CDK17: variants seen among roughly 807,000 people sequenced by gnomAD.
The protein encoded by CDK17 is cyclin-dependent kinase 17.
A neutral mutation model predicts 77.6 loss-of-function variants in CDK17; 24 were observed. The observed-to-expected ratio is 0.31, with a 90% CI of 0.22 to 0.44. CDK17 has a LOEUF of 0.44. Among genes scored for constraint, CDK17 ranks in the 20% least tolerant of loss-of-function variants. The pLI is 1.00. For synonymous variants in CDK17, 203 were observed against 210.4 expected, an observed-to-expected ratio of 0.96 and a Z score of 0.30; for missense variants, 429 against 622.5, an observed-to-expected ratio of 0.69 and a Z score of 3.31.
At chr12:96,315,989 C>G (rs1952709335) in intron 3 of CDK17, among the ~76,000 whole-genome samples, 1 of 152,180 alleles carries the variant, frequency 6.6e-6, no homozygotes, top group African/African-American at 2.4e-5. Context: ...CGGTCTACAG[C>G]TCCCAGCGTG....
chr12:96,339,274 A>G (rs1042599427), intron 1 of CDK17, among the ~76,000 whole-genome samples: 3 of 152,190 alleles, frequency 2.0e-5, no homozygotes, highest in South Asian at 4.1e-4. Context: ...TGTAGCCAAC[A>G]GCAGGCTAAT....
intron 1 of CDK17, among the ~76,000 whole-genome samples, chr12:96,388,979 G>A (rs867175698): frequency 6.6e-6 from 1 of 152,006 alleles, no homozygotes; most frequent in African/African-American, 2.4e-5. Context: ...CCATTCATGA[G>A]GGATCTGCCC....
chr12:96,313,317 T>C lies in CDK17; in HGVS notation c.417+4A>G. 1 of 1,572,804 alleles carries C rather than the reference T, an allele frequency of 6.4e-7. No homozygotes were observed. ...AAGTATATTTGTATTTTTTAAATGA[T>C]TACCTCCATTGAGATCCGTCTATGT... On this transcript the variant is annotated splice_donor_region_variant and intron_variant, in intron 4 of 16. Coordinates refer to ENST00000261211, the MANE Select transcript of CDK17 (RefSeq NM_002595.5).
At chr12:96,317,229 G>C (rs1037078745) in intron 3 of CDK17, among the ~76,000 whole-genome samples, 8 of 150,342 alleles carry the variant, frequency 5.3e-5, no homozygotes, top group Non-Finnish European at 1.2e-4. Context: ...GAAATGAAGT[G>C]AGAAGGGAAG....
intron 1 of CDK17, among the ~76,000 whole-genome samples, chr12:96,394,502 A>AC (rs373181415): frequency 4.6e-5 from 7 of 152,260 alleles, no homozygotes; most frequent in African/African-American, 1.4e-4. Flanking sequence ...GCATAAAAAG[A>AC]AACAAAAATG....
At chr12:96,373,780 C>T (rs1317808130) in intron 1 of CDK17, among the ~76,000 whole-genome samples, 8 of 151,844 alleles carry the variant, frequency 5.3e-5, no homozygotes, top group Non-Finnish European at 1.0e-4. Flanking sequence ...ATTAGCTGGG[C>T]GTGGTGGTGT....
At chr12:96,344,662 T>C (rs1010919064) in intron 1 of CDK17, among the ~76,000 whole-genome samples, 2 of 152,144 alleles carry the variant, frequency 1.3e-5, no homozygotes, top group Non-Finnish European at 2.9e-5. Context: ...ATGTTACCAG[T>C]AGACCTACTC....
At chr12:96,328,538 G>A (rs567099775) in intron 2 of CDK17, among the ~76,000 whole-genome samples, 6 of 152,212 alleles carry the variant, frequency 3.9e-5, no homozygotes, top group African/African-American at 1.4e-4. Flanking sequence ...TACAATGGTG[G>A]GGGTTGGGGG....
chr12:96,280,212 G>A lies in CDK17; in HGVS notation c.*30C>T, dbSNP rs1375993464. On this transcript the variant is annotated 3_prime_UTR_variant, in exon 17 of 17. Coordinates refer to ENST00000261211, the MANE Select transcript of CDK17 (RefSeq NM_002595.5). The stretch of plus-strand genomic sequence containing the variant: ...AGTCCTTGATTGGTAAGAAAGGCTG[G>A]GGGCTGGGCTTGAAACCATGTTATC... 1 of 1,547,418 alleles carries A rather than the reference G, an allele frequency of 6.5e-7. No individual in the cohort carries two copies. Among genetic ancestry groups the A allele is most frequent in the Non-Finnish European group, 8.7e-7 (1 of 1,145,042 alleles).
Position 96,313,447 on chromosome 12 carries a change from A to G in CDK17, c.291T>C (p.Val97=). 1 of 1,542,708 alleles carries G rather than the reference A, an allele frequency of 6.5e-7. No individual in the cohort carries two copies. Among genetic ancestry groups the G allele is most frequent in the Admixed American group, 2.1e-5 (1 of 48,630 alleles). ...CTGATCCCATTTTTAGATTTTCATG[A>G]ACAATATCTATATCAAAAAATGAGA... The part of the protein sequence containing the change: ...MPRNGSRLDI[V]HENLKMGSDG... The change falls in exon 4 of 17, where the codon GTT becomes GTC. Residue 97 remains valine, a synonymous_variant. Coordinates refer to ENST00000261211, the MANE Select transcript of CDK17 (RefSeq NM_002595.5).
chr12:96,336,271 G>A (rs888432275), intron 1 of CDK17, among the ~76,000 whole-genome samples: 4 of 152,054 alleles, frequency 2.6e-5, no homozygotes, highest in Non-Finnish European at 5.9e-5. Context: ...AGACCAGCCT[G>A]GAAAACAGCG....
chr12:96,295,626 A>G (rs1396545811), intron 9 of CDK17, among the ~76,000 whole-genome samples: 2 of 152,112 alleles, frequency 1.3e-5, no homozygotes. Flanking sequence ...CTGAGGTATC[A>G]AAGAGAAAGC....
intron 3 of CDK17, among the ~76,000 whole-genome samples, chr12:96,316,349 C>G (rs1952717642): frequency 6.6e-6 from 1 of 151,604 alleles, no homozygotes; most frequent in Non-Finnish European, 1.5e-5. Context: ...AGTCTGAGAT[C>G]AAACCGCAAG....
chr12:96,280,586 G>C lies in CDK17; in HGVS notation c.1534+222C>G, dbSNP rs530852518. ...GTCTTTGTGCCATCTGCAGCTTTCA[G>C]GATCCCTGACTTGACTGAGTCAGAT... is the stretch of plus-strand genomic sequence containing the variant. On this transcript the variant is annotated intron_variant, in intron 16 of 16. Coordinates refer to ENST00000261211, the MANE Select transcript of CDK17 (RefSeq NM_002595.5). 7 of 1,413,510 alleles carry C rather than the reference G, an allele frequency of 5.0e-6. No homozygotes were observed. The African/African-American group carries it at 8.7e-5, about 17-fold the overall frequency. 87.6% of individuals were successfully genotyped at this position (1,413,510 alleles called of 1,614,324 possible). A position where few individuals can be genotyped will look rare whatever the true frequency, so the allele number is the denominator to read the frequency against.
At chr12:96,373,652 T>G (rs976781724) in intron 1 of CDK17, among the ~76,000 whole-genome samples, 2 of 149,262 alleles carry the variant, frequency 1.3e-5, no homozygotes, top group Non-Finnish European at 3.0e-5. Context: ...CTGGGCACAG[T>G]GACTCACGCC....
chr12:96,306,858 T>C (rs1174825427), intron 5 of CDK17, among the ~76,000 whole-genome samples: 1 of 152,308 alleles, frequency 6.6e-6, no homozygotes, highest in East Asian at 1.9e-4. Context: ...AGATTTTCAT[T>C]TTGAAGAATA....
intron 2 of CDK17, among the ~76,000 whole-genome samples, chr12:96,331,815 CT>C (rs1952973528): frequency 6.6e-6 from 1 of 152,034 alleles, no homozygotes; most frequent in South Asian, 2.1e-4. Flanking sequence ...AGCCATGTGC[CT>C]AGATATGCAA....
chr12:96,294,962 C>T (rs779178306), intron 10 of CDK17, 37 bp downstream of exon 10: 3 of 1,553,396 alleles, frequency 1.9e-6, no homozygotes, highest in Non-Finnish European at 2.6e-6. Flanking sequence ...CACTTTAGAA[C>T]CTGGAAGTAC....
chr12:96,391,127 C>T (rs917011351), intron 1 of CDK17, among the ~76,000 whole-genome samples: 8 of 151,716 alleles, frequency 5.3e-5, no homozygotes, highest in African/African-American at 1.7e-4. Context: ...CAACTGTATA[C>T]ATAAACTACC....
Sources: gnomAD v4.1 joint callset for allele counts (sites outside exome capture counted in the v4.1 genomes callset) on GRCh38, gnomAD v4.1.1 for gene constraint, MANE v1.5 for transcripts, NCBI Gene and HGNC (gene_info 2026-07-23, HGNC 2026-07-21) for gene names.